Variants in GOLIM4 observed in about 807,000 individuals in gnomAD.
GOLIM4 encodes the protein 130 kDa golgi-localized phosphoprotein.
GOLIM4 carries 71 observed loss-of-function variants against 107.4 expected under a neutral mutation model. The ratio of observed to expected loss-of-function variants is 0.66; its 90% CI spans 0.55 to 0.81. The LOEUF is 0.81. Among genes scored for constraint, GOLIM4 ranks in the 30% least tolerant of loss-of-function variants. The pLI is 0.00. For synonymous variants in GOLIM4, 327 were observed against 294.8 expected, an observed-to-expected ratio of 1.11 and a Z score of -1.12; for missense variants, 830 against 826.1, an observed-to-expected ratio of 1.00 and a Z score of -0.06.
At chr3:168,066,243 G>T (rs1720539332) in intron 1 of GOLIM4, among the ~76,000 whole-genome samples, 1 of 152,112 alleles carries the variant, frequency 6.6e-6, no homozygotes, top group Non-Finnish European at 1.5e-5. Flanking sequence ...AAGTAATTGG[G>T]AAGTAGGTGA....
Position 168,032,540 on chromosome 3 carries a change from C to A in GOLIM4, c.1156G>T (p.Glu386Ter). The change falls in exon 9 of 16, where the codon GAA becomes TAA. Residue 386 changes from glutamate to a stop codon, truncating the protein, a stop_gained. Coordinates refer to ENST00000470487, the MANE Select transcript of GOLIM4 (RefSeq NM_014498.5). LOFTEE classifies it high-confidence loss of function. ...HEQREAANLL[E>*]GHARAEVYPS... is the part of the protein sequence containing the mutation. Reference sequence around the variant, plus strand: ...CATACCTCAGCACGCGCGTGCCCTTCCAGGAGGTTGGCTGCTTCTCGTTGC... The same window carrying A: ...CATACCTCAGCACGCGCGTGCCCTTACAGGAGGTTGGCTGCTTCTCGTTGC... 1.9e-6 allele frequency: 3 copies of A among 1,614,056 alleles called. No homozygotes were observed. Among genetic ancestry groups the A allele is most frequent in the Non-Finnish European group, 2.5e-6 (3 of 1,179,970 alleles).
intron 14 of GOLIM4, among the ~76,000 whole-genome samples, chr3:168,019,859 A>C (rs1377960626): frequency 6.6e-5 from 10 of 152,132 alleles, no homozygotes; most frequent in Non-Finnish European, 1.2e-4. Flanking sequence ...TGACAGCCTG[A>C]TCCCTTCATG....
At position 168,043,483 on chromosome 3, in the gene GOLIM4, T is replaced by C. The variant is rs1216830163; in HGVS notation, c.413A>G (p.Glu138Gly). The change falls in exon 5 of 16, where the codon GAA (glutamate) becomes GGA (glycine). Residue 138 changes from glutamate to glycine, a missense_variant. Physicochemically the swap from Glu to Gly is moderately conservative, Grantham distance 98 (BLOSUM62 -2). Coordinates refer to ENST00000470487, the MANE Select transcript of GOLIM4 (RefSeq NM_014498.5). ...GAAGTCTTCCCCTTGTTTGCGATGT[T>C]CCTCTTCCAAGTCACTGTGCTGTTT... ...LKKQHSDLEE[E>G]HRKQGEDFSR... 1.2e-6 allele frequency: 2 copies of C among 1,613,656 alleles called. No homozygotes were observed. Among genetic ancestry groups the C allele is most frequent in the Middle Eastern group, 1.7e-4 (1 of 6,060 alleles).
At position 168,009,503 on chromosome 3, in the gene GOLIM4, AC is replaced by A. The variant is rs1367370109; in HGVS notation, c.*765del. 6.6e-6 allele frequency: 1 copy of A among 151,156 alleles called. No individual in the cohort carries two copies. Among genetic ancestry groups the A allele is most frequent in the Non-Finnish European group, 1.5e-5 (1 of 67,904 alleles). 9.4% of individuals were successfully genotyped at this position (151,156 alleles called of 1,614,324 possible). ...ACACGCAAACACTCATTAGTTTTTAACCAAGTCACTAGTCCTTCCAAAAGGT... is the reference window on the plus strand; with the variant it reads ...ACACGCAAACACTCATTAGTTTTTAACAAGTCACTAGTCCTTCCAAAAGGT... On this transcript the variant is annotated 3_prime_UTR_variant, in exon 16 of 16. Coordinates refer to ENST00000470487, the MANE Select transcript of GOLIM4 (RefSeq NM_014498.5).
chr3:168,070,489 T>A (rs980715140), intron 1 of GOLIM4, among the ~76,000 whole-genome samples: 34 of 152,248 alleles, frequency 2.2e-4, no homozygotes, highest in Admixed American at 2.0e-3. Context: ...AGTTTCTTCA[T>A]CTTCCTGAGA....
chr3:168,071,203 G>T (rs919481749), intron 1 of GOLIM4, among the ~76,000 whole-genome samples: 1 of 152,170 alleles, frequency 6.6e-6, no homozygotes, highest in African/African-American at 2.4e-5. Flanking sequence ...TGCTAAAGTA[G>T]AGAGAAAACT....
intron 1 of GOLIM4, among the ~76,000 whole-genome samples, chr3:168,091,034 A>C (rs1721882295): frequency 6.6e-6 from 1 of 151,756 alleles, no homozygotes; most frequent in Non-Finnish European, 1.5e-5. Flanking sequence ...GCAGGGGGTG[A>C]GAGTTGGAAA....
At chr3:168,084,529 A>G (rs146379416) in intron 1 of GOLIM4, among the ~76,000 whole-genome samples, 152 of 152,260 alleles carry the variant, frequency 1.0e-3, no homozygotes, top group African/African-American at 3.4e-3. Flanking sequence ...AAAATGACTA[A>G]ACACTGATCA....
chr3:168,063,667 A>G (rs1179830168), intron 1 of GOLIM4, among the ~76,000 whole-genome samples: 1 of 147,978 alleles, frequency 6.8e-6, no homozygotes, highest in Non-Finnish European at 1.5e-5. Context: ...TGAGACCCTC[A>G]AAGGTCAAAT....
At chr3:168,059,036 G>T (rs1720124758) in intron 1 of GOLIM4, among the ~76,000 whole-genome samples, 1 of 152,104 alleles carries the variant, frequency 6.6e-6, no homozygotes, top group Non-Finnish European at 1.5e-5. Flanking sequence ...ATGCAAACAT[G>T]TGTAAGAATG....
intron 1 of GOLIM4, among the ~76,000 whole-genome samples, chr3:168,090,098 A>C (rs755903981): frequency 4.6e-5 from 7 of 152,178 alleles, no homozygotes; most frequent in Non-Finnish European, 1.0e-4. Context: ...AGATTTAGGG[A>C]AGGTTGAAAG....
At chr3:168,038,833 G>A (rs1718808247) in intron 7 of GOLIM4, among the ~76,000 whole-genome samples, 1 of 152,196 alleles carries the variant, frequency 6.6e-6, no homozygotes, top group Non-Finnish European at 1.5e-5. Context: ...CCAATGTGAT[G>A]GATCAGGAGG....
chr3:168,037,451 T>C (rs1379087306), intron 7 of GOLIM4, among the ~76,000 whole-genome samples: 2 of 149,514 alleles, frequency 1.3e-5, no homozygotes, highest in East Asian at 2.0e-4. Flanking sequence ...TAAATACACA[T>C]ACACACACAC....
chr3:168,061,102 G>A (rs111256852), intron 1 of GOLIM4, among the ~76,000 whole-genome samples: 2,148 of 143,466 alleles, frequency 0.015, 54 homozygotes, highest in African/African-American at 0.053. Context: ...GCATATTAAA[G>A]AGTTGATTTT....
In GOLIM4 at chr3:168,048,315, G is replaced by A; in HGVS notation, c.238C>T (p.Leu80Phe). ...CCTTCCTTTGCTTTTTTATGTTCAAGTCTTTCTTTTTGCAAGGATTTCTCT... is the reference window on the plus strand; with the variant it reads ...CCTTCCTTTGCTTTTTTATGTTCAAATCTTTCTTTTTGCAAGGATTTCTCT... ...RLEKSLQKER[L>F]EHKKAKEDFL... The change falls in exon 2 of 16, where the codon CTT (leucine) becomes TTT (phenylalanine). Residue 80 changes from leucine (L) to phenylalanine (F), a missense_variant. Coordinates refer to ENST00000470487, the MANE Select transcript of GOLIM4 (RefSeq NM_014498.5). The A allele has an allele frequency of 6.5e-7, 1 of 1,530,032 alleles. No individual in the cohort carries two copies. Among genetic ancestry groups the A allele is most frequent in the East Asian group, 2.3e-5 (1 of 44,032 alleles). 94.8% of individuals were successfully genotyped at this position (1,530,032 alleles called of 1,614,324 possible).
In GOLIM4 at chr3:168,036,829, C is replaced by T. The variant is rs1718676194; in HGVS notation, c.843+7G>A. Reference sequence around the variant, plus strand: ...CTAACCATAGATTACCAGTTCACGCCCCTTACCTCCTGCACCTCTCGGGTT... The same window carrying T: ...CTAACCATAGATTACCAGTTCACGCTCCTTACCTCCTGCACCTCTCGGGTT... On this transcript the variant is annotated splice_region_variant and intron_variant, in intron 8 of 15. Coordinates refer to ENST00000470487, the MANE Select transcript of GOLIM4 (RefSeq NM_014498.5). 6 of 1,607,152 alleles carry T rather than the reference C, an allele frequency of 3.7e-6. No individual in the cohort carries two copies. The East Asian group carries it at 1.3e-4, about 36-fold the overall frequency.
At chr3:168,011,770 C>A (rs1717051008) in intron 14 of GOLIM4, among the ~76,000 whole-genome samples, 1 of 134,850 alleles carries the variant, frequency 7.4e-6, no homozygotes, top group Admixed American at 7.0e-5. Flanking sequence ...GGAGGCACCC[C>A]CCAGCAGGAG....
At chr3:168,088,183 T>C (rs1448149240) in intron 1 of GOLIM4, among the ~76,000 whole-genome samples, 1 of 152,234 alleles carries the variant, frequency 6.6e-6, no homozygotes, top group Non-Finnish European at 1.5e-5. Flanking sequence ...TTCAGGTTTT[T>C]TCCACCCCAA....
intron 1 of GOLIM4, 76 bp from the exon 2 acceptor site, chr3:168,048,441 A>C (rs932795474): frequency 9.8e-6 from 7 of 716,560 alleles, no homozygotes; most frequent in Non-Finnish European, 1.7e-5. Context: ...TTTTTAAAAC[A>C]GGAAGAAAAC....
Sources: allele counts gnomAD v4.1 joint callset (sites outside exome capture counted in the v4.1 genomes callset), GRCh38; gene constraint gnomAD v4.1.1; transcripts MANE v1.5; gene names NCBI Gene and HGNC (gene_info 2026-07-23, HGNC 2026-07-21).